Variants in FCHSD2 observed in about 807,000 individuals in gnomAD.
The protein encoded by FCHSD2 is F-BAR and double SH3 domains protein 2.
In FCHSD2, 38 loss-of-function variants were observed where a neutral mutation model predicts 108.1. The observed-to-expected ratio is 0.35, with a 90% confidence interval of 0.27 to 0.46. FCHSD2 has a LOEUF of 0.46. Ranked by LOEUF, FCHSD2 falls within the 20% of genes least tolerant of loss-of-function variation. FCHSD2 has a pLI of 1.00. For synonymous variants in FCHSD2, 279 were observed against 314.7 expected (o/e 0.89, Z 1.20); for missense variants, 751 against 897.8 (o/e 0.84, Z 2.09).
chr11:73,122,444 A>AT (rs1171281548), intron 2 of FCHSD2, among the ~76,000 whole-genome samples: 1 of 152,218 alleles, frequency 6.6e-6, no homozygotes, highest in East Asian at 1.9e-4. Flanking sequence ...AGACTGCACT[A>AT]TCCTGCACAA....
chr11:73,079,386 G>C (rs1859630207), intron 3 of FCHSD2, among the ~76,000 whole-genome samples: 1 of 151,974 alleles, frequency 6.6e-6, no homozygotes, highest in South Asian at 2.1e-4. Flanking sequence ...TTTTAGTAGA[G>C]ACGGGGTTTC....
chr11:73,087,780 C>T (rs1859858724), intron 2 of FCHSD2, among the ~76,000 whole-genome samples: 1 of 152,118 alleles, frequency 6.6e-6, no homozygotes, highest in Non-Finnish European at 1.5e-5. Flanking sequence ...CAGCCTACAG[C>T]AGTATACATT....
chr11:73,133,654 G>C (rs1160402679), intron 2 of FCHSD2, among the ~76,000 whole-genome samples: 1 of 151,916 alleles, frequency 6.6e-6, no homozygotes, highest in African/African-American at 2.4e-5. Flanking sequence ...AAATTAGCTG[G>C]GTACGGTGGC....
chr11:73,108,862 C>T (rs544498822), intron 2 of FCHSD2, among the ~76,000 whole-genome samples: 3 of 152,318 alleles, frequency 2.0e-5, no homozygotes, highest in African/African-American at 7.2e-5. Context: ...TGAGCCACCG[C>T]GCCCAGCCTA....
chr11:73,116,621 GCCTTTAAAT>G (rs1860607882), intron 2 of FCHSD2, among the ~76,000 whole-genome samples: 1 of 151,912 alleles, frequency 6.6e-6, no homozygotes, highest in African/African-American at 2.4e-5. Context: ...ACTCACTAAA[GCCTTTAAAT>G]CCTGGGCACA....
intron 8 of FCHSD2, among the ~76,000 whole-genome samples, chr11:72,957,368 A>C (rs1856734255): frequency 6.6e-6 from 1 of 151,010 alleles, no homozygotes; most frequent in South Asian, 2.1e-4. Flanking sequence ...TGAACTCATC[A>C]TTTTTTATGG....
At chr11:72,880,940 CAT>C (rs1855072157) in intron 12 of FCHSD2, among the ~76,000 whole-genome samples, 1 of 149,848 alleles carries the variant, frequency 6.7e-6, no homozygotes, top group Non-Finnish European at 1.5e-5. Context: ...TACAAGAAAA[CAT>C]AGGGGAAATG....
At chr11:73,065,306 G>A (rs997319792) in intron 3 of FCHSD2, among the ~76,000 whole-genome samples, 2 of 152,030 alleles carry the variant, frequency 1.3e-5, no homozygotes, top group African/African-American at 4.8e-5. Flanking sequence ...AAATTAAACA[G>A]CGCTTCATGC....
chr11:73,111,463 CTT>C (rs35943868), intron 2 of FCHSD2, among the ~76,000 whole-genome samples: 33 of 142,198 alleles, frequency 2.3e-4, no homozygotes, highest in South Asian at 1.6e-3. Context: ...TTTCTCCATC[CTT>C]TTTTTTTTTT....
intron 3 of FCHSD2, among the ~76,000 whole-genome samples, chr11:73,068,625 A>C (rs1859353310): frequency 2.0e-5 from 3 of 152,104 alleles, no homozygotes; most frequent in African/African-American, 7.2e-5. Flanking sequence ...AAAATTAACA[A>C]TTGGAACACA....
chr11:73,055,474 A>G (rs1859003726), intron 3 of FCHSD2, among the ~76,000 whole-genome samples: 2 of 152,218 alleles, frequency 1.3e-5, no homozygotes, highest in Non-Finnish European at 1.5e-5. Flanking sequence ...ATGACCATCC[A>G]ATAAAATCTG....
At chr11:73,131,278 G>A (rs904951615) in intron 2 of FCHSD2, among the ~76,000 whole-genome samples, 8 of 151,782 alleles carry the variant, frequency 5.3e-5, no homozygotes, top group African/African-American at 1.9e-4. Flanking sequence ...AGCACTGTGG[G>A]AGGCCGAGGC....
chr11:72,912,617 T>G (rs1487671565), intron 9 of FCHSD2, among the ~76,000 whole-genome samples: 2 of 152,242 alleles, frequency 1.3e-5, no homozygotes, highest in Non-Finnish European at 2.9e-5. Flanking sequence ...GATTTTGGTA[T>G]CAGGGTAATG....
chr11:72,967,262 C>T (rs1856927309), intron 8 of FCHSD2, among the ~76,000 whole-genome samples: 2 of 150,076 alleles, frequency 1.3e-5, no homozygotes, highest in South Asian at 4.2e-4. Context: ...TTGTTTTAGG[C>T]AGTAAGAGCA....
intron 3 of FCHSD2, among the ~76,000 whole-genome samples, chr11:73,053,078 T>G (rs755346736): frequency 3.3e-5 from 5 of 151,022 alleles, no homozygotes; most frequent in Non-Finnish European, 7.4e-5. Flanking sequence ...ACTCCTGGCC[T>G]CAAGTGATCT....
At chr11:73,086,279 C>T (rs1189239779) in intron 2 of FCHSD2, among the ~76,000 whole-genome samples, 2 of 152,048 alleles carry the variant, frequency 1.3e-5, no homozygotes, top group East Asian at 1.9e-4. Flanking sequence ...CGTGGTGGTG[C>T]GTGCCTGTGG....
intron 2 of FCHSD2, among the ~76,000 whole-genome samples, chr11:73,098,762 T>G (rs1565409553): frequency 6.6e-6 from 1 of 152,180 alleles, no homozygotes; most frequent in South Asian, 2.1e-4. Flanking sequence ...ATATAAAATT[T>G]AAAATGGCTC....
chr11:73,001,434 T>G lies in FCHSD2; in HGVS notation c.243-300A>C, dbSNP rs1194215585. Among the ~76,000 whole-genome samples, 4 of 152,174 alleles carry G rather than the reference T, an allele frequency of 2.6e-5. No individual in the cohort carries two copies. In the East Asian group the frequency reaches 7.7e-4, roughly 29 times the overall value. ...TAGTGAATATTTCAGACTCTCCAAGTCTTTTGCTGTCACAGGGCCATAATT... is the reference window on the plus strand; with the variant it reads ...TAGTGAATATTTCAGACTCTCCAAGGCTTTTGCTGTCACAGGGCCATAATT... On this transcript the variant is annotated intron_variant, in intron 4 of 19. Transcript: ENST00000409418.
chr11:73,092,756 A>T (rs1056910100), intron 2 of FCHSD2, among the ~76,000 whole-genome samples: 2 of 152,188 alleles, frequency 1.3e-5, no homozygotes, highest in African/African-American at 4.8e-5. Flanking sequence ...TGGTCACATT[A>T]TATCAGTTAA....
Sources: allele counts gnomAD v4.1 joint callset (sites outside exome capture counted in the v4.1 genomes callset), GRCh38; gene constraint gnomAD v4.1.1; transcripts MANE v1.5; gene names NCBI Gene and HGNC (gene_info 2026-07-23, HGNC 2026-07-21).